PIP4K2A: variants seen among roughly 807,000 people sequenced by gnomAD.
The protein encoded by PIP4K2A is phosphatidylinositol 5-phosphate 4-kinase type-2 alpha.
A neutral mutation model predicts 42.9 loss-of-function variants in PIP4K2A; 14 were observed. The ratio of observed to expected loss-of-function variants is 0.33; its 90% CI spans 0.22 to 0.51. The LOEUF is 0.51. Among genes scored for constraint, PIP4K2A ranks in the 20% least tolerant of loss-of-function variants. PIP4K2A has a pLI of 0.97. For synonymous variants in PIP4K2A, 192 were observed against 192.2 expected, an observed-to-expected ratio of 1.00 and a Z score of 0.01; for missense variants, 434 against 519.8, an observed-to-expected ratio of 0.83 and a Z score of 1.61.
intron 1 of PIP4K2A, among the ~76,000 whole-genome samples, chr10:22,616,780 T>C (rs539554818): frequency 3.1e-4 from 47 of 152,326 alleles, no homozygotes; most frequent in Admixed American, 2.3e-3. Flanking sequence ...CTACTACAAT[T>C]ACACCAGCTG....
intron 7 of PIP4K2A, 59 bp from the exon 8 acceptor site, chr10:22,542,106 AAAGGAGAC>A (rs1156819620): frequency 1.3e-6 from 2 of 1,483,168 alleles, no homozygotes; most frequent in Admixed American, 4.0e-5. Flanking sequence ...GCCAACATTT[AAAGGAGAC>A]AAGCTCGGGT....
intron 1 of PIP4K2A, among the ~76,000 whole-genome samples, chr10:22,672,536 G>A (rs1312943526): frequency 5.9e-5 from 9 of 152,108 alleles, no homozygotes; most frequent in African/African-American, 1.9e-4. Context: ...ATATATACAG[G>A]GATAGGGAAA....
rs150254345 is a variant in PIP4K2A at position 22,705,426 on chromosome 10, T to TAAAA, written c.144+8753_144+8756dup. On this transcript the variant is annotated intron_variant, in intron 1 of 9. Coordinates refer to ENST00000376573, the MANE Select transcript of PIP4K2A (RefSeq NM_005028.5). ...TACGTATTATATTCAGTACCCCAGTTAAAAAAAAAAAAAAAAAAAAAAAAA... is the reference window on the plus strand; with the variant it reads ...TACGTATTATATTCAGTACCCCAGTTAAAAAAAAAAAAAAAAAAAAAAAAAAAAA... Among the ~76,000 whole-genome samples the TAAAA allele has an allele frequency of 1.7e-4, 5 of 29,276 alleles. 2 individuals carry two copies. The highest frequency in any genetic ancestry group is 2.8e-4 in the Non-Finnish European group (5 of 17,674). 19.2% of individuals were successfully genotyped at this position (29,276 alleles called of 152,430 possible). A position where few individuals can be genotyped will look rare whatever the true frequency, so the allele number is the denominator to read the frequency against.
At chr10:22,643,336 G>A (rs765340588) in intron 1 of PIP4K2A, among the ~76,000 whole-genome samples, 11 of 152,144 alleles carry the variant, frequency 7.2e-5, no homozygotes, top group Non-Finnish European at 1.2e-4. Flanking sequence ...GGCTGTGTTC[G>A]TGCTATGATA....
At chr10:22,545,303 A>G (rs766676414) in intron 7 of PIP4K2A, among the ~76,000 whole-genome samples, 1 of 152,236 alleles carries the variant, frequency 6.6e-6, no homozygotes, top group African/African-American at 2.4e-5. Context: ...ACCATTTAAG[A>G]CGATTACCTT....
chr10:22,595,820 T>TA (rs1224104441), intron 3 of PIP4K2A, among the ~76,000 whole-genome samples: 1 of 152,156 alleles, frequency 6.6e-6, no homozygotes, highest in Non-Finnish European at 1.5e-5. Context: ...CTTTGAGCCT[T>TA]AGTTTCCGGG....
intron 1 of PIP4K2A, among the ~76,000 whole-genome samples, chr10:22,614,173 A>AAGAGG (rs1367168832): frequency 2.0e-5 from 3 of 152,210 alleles, no homozygotes. Context: ...GCTATTCCCC[A>AAGAGG]TCTTCCAAAA....
intron 2 of PIP4K2A, among the ~76,000 whole-genome samples, 192 bp from the exon 3 acceptor site, chr10:22,608,215 T>C (rs1386728689): frequency 6.6e-6 from 1 of 152,236 alleles, no homozygotes; most frequent in Non-Finnish European, 1.5e-5. Context: ...CGGATGTCTG[T>C]CTGTCTCCTT....
intron 9 of PIP4K2A, 143 bp from the exon 10 acceptor site, chr10:22,537,424 C>T: frequency 1.5e-6 from 1 of 651,904 alleles, no homozygotes; most frequent in Non-Finnish European, 2.7e-6. Context: ...CTCTGAAAAA[C>T]ATCACTCAAA....
chr10:22,582,091 G>C (rs942237683), intron 4 of PIP4K2A, among the ~76,000 whole-genome samples: 1 of 150,716 alleles, frequency 6.6e-6, no homozygotes, highest in Non-Finnish European at 1.5e-5. Flanking sequence ...TACAGACCAA[G>C]ACCCTGTCTC....
chr10:22,584,642 C>T (rs1297958631), intron 4 of PIP4K2A, among the ~76,000 whole-genome samples: 3 of 152,112 alleles, frequency 2.0e-5, no homozygotes, highest in Non-Finnish European at 4.4e-5. Context: ...GAACAGAGGG[C>T]TACAAATGAC....
chr10:22,573,240 C>A, intron 5 of PIP4K2A, 71 bp downstream of exon 5: 1 of 1,386,512 alleles, frequency 7.2e-7, no homozygotes, highest in Non-Finnish European at 1.0e-6. Context: ...TTCTGATGAT[C>A]AATGACAACA....
intron 1 of PIP4K2A, among the ~76,000 whole-genome samples, chr10:22,682,252 C>T (rs1312226809): frequency 1.3e-5 from 2 of 152,180 alleles, no homozygotes; most frequent in East Asian, 3.9e-4. Context: ...ACTTAAGAGC[C>T]AAAGTTACTT....
chr10:22,610,881 G>A (rs1838019713), intron 1 of PIP4K2A, among the ~76,000 whole-genome samples: 1 of 152,140 alleles, frequency 6.6e-6, no homozygotes, highest in African/African-American at 2.4e-5. Context: ...CCCCTGCCAG[G>A]CCTCCAGGCT....
chr10:22,544,584 C>A (rs1353470578), intron 7 of PIP4K2A, among the ~76,000 whole-genome samples: 1 of 152,184 alleles, frequency 6.6e-6, no homozygotes, highest in Non-Finnish European at 1.5e-5. Flanking sequence ...CACACCTGCT[C>A]CCTCTGGGTG....
intron 1 of PIP4K2A, among the ~76,000 whole-genome samples, chr10:22,656,909 A>T (rs779039106): frequency 2.6e-5 from 4 of 152,024 alleles, no homozygotes; most frequent in Middle Eastern, 3.2e-3. Context: ...TCTCTTTCTG[A>T]TCAAGTCAGT....
intron 1 of PIP4K2A, among the ~76,000 whole-genome samples, chr10:22,688,742 C>T (rs931225757): frequency 1.3e-5 from 2 of 152,116 alleles, no homozygotes; most frequent in African/African-American, 4.8e-5. Flanking sequence ...CATGAGCCAC[C>T]GTGCCCAGCT....
chr10:22,585,454 G>A (rs7895322), intron 4 of PIP4K2A, among the ~76,000 whole-genome samples: 146,221 of 152,328 alleles, frequency 0.96, 70,236 homozygotes, highest in East Asian at 1. Flanking sequence ...TTTGAAATAA[G>A]AAAGTAAATT....
chr10:22,548,809 G>A (rs1239646630), intron 7 of PIP4K2A, among the ~76,000 whole-genome samples: 2 of 152,102 alleles, frequency 1.3e-5, no homozygotes, highest in African/African-American at 4.8e-5. Flanking sequence ...ACTTTGGGAG[G>A]CTGAGGTGGG....
Sources: gnomAD v4.1 joint callset for allele counts (sites outside exome capture counted in the v4.1 genomes callset) on GRCh38, gnomAD v4.1.1 for gene constraint, MANE v1.5 for transcripts, NCBI Gene and HGNC (gene_info 2026-07-23, HGNC 2026-07-21) for gene names.